The following HTR7 variants were observed in gnomAD, a reference collection of about 807,000 sequenced individuals.
The protein encoded by HTR7 is 5-hydroxytryptamine receptor 7, also known as 5-HT-7.
In HTR7, 16 loss-of-function variants were observed where a neutral mutation model predicts 34.0. The ratio of observed to expected loss-of-function variants is 0.47; its 90% CI spans 0.32 to 0.71. HTR7 has a LOEUF of 0.71. Ranked by LOEUF, HTR7 falls within the 30% of genes least tolerant of loss-of-function variation. The pLI, the probability that HTR7 is intolerant of heterozygous loss-of-function variation, is 0.04. For synonymous variants in HTR7, 265 were observed against 260.2 expected, an observed-to-expected ratio of 1.02 and a Z score of -0.18; for missense variants, 504 against 625.5, an observed-to-expected ratio of 0.81 and a Z score of 2.07.
At chr10:90,849,396 A>T (rs1055769039) in intron 1 of HTR7, among the ~76,000 whole-genome samples, 13 of 149,704 alleles carry the variant, frequency 8.7e-5, no homozygotes, top group Admixed American at 6.7e-4. Flanking sequence ...ACTTAGAATT[A>T]AAAAAAAAAC....
At position 90,767,545 on chromosome 10, in the gene HTR7, T is replaced by G. The variant is rs545570682; in HGVS notation, c.540-17951A>C. 2.0e-5 allele frequency among the ~76,000 whole-genome samples: 3 copies of G among 152,312 alleles called. No homozygotes were observed. The East Asian group carries it at 5.8e-4, about 29-fold the overall frequency. ...ATGGCCATATATTCTTTGCCATCCC[T>G]CTTTGATAGATAAATTTTTCTCCTT... On this transcript the variant is annotated intron_variant, in intron 1 of 3. Coordinates refer to ENST00000336152, the MANE Select transcript of HTR7 (RefSeq NM_019859.4).
At chr10:90,827,808 T>C (rs1194195099) in intron 1 of HTR7, among the ~76,000 whole-genome samples, 2 of 152,178 alleles carry the variant, frequency 1.3e-5, no homozygotes, top group African/African-American at 2.4e-5. Context: ...ACTTTCAGCA[T>C]TGGACAGATC....
chr10:90,850,639 TGAA>T (rs1214142604), intron 1 of HTR7, among the ~76,000 whole-genome samples: 3 of 151,892 alleles, frequency 2.0e-5, no homozygotes, highest in Non-Finnish European at 2.9e-5. Context: ...TATAACAAGA[TGAA>T]GAAATTAGAT....
intron 1 of HTR7, among the ~76,000 whole-genome samples, chr10:90,752,503 C>A (rs555359935): frequency 2.0e-5 from 3 of 151,732 alleles, no homozygotes; most frequent in East Asian, 3.9e-4. Context: ...CCATATAACC[C>A]CCAATGAATA....
chr10:90,761,469 G>T (rs66845062), intron 1 of HTR7, among the ~76,000 whole-genome samples: 1 of 152,032 alleles, frequency 6.6e-6, no homozygotes, highest in South Asian at 2.1e-4. Context: ...AAGTGTTTCA[G>T]TTAGTGAAGG....
At chr10:90,747,446 C>A (rs1345897957) in intron 2 of HTR7, among the ~76,000 whole-genome samples, 1 of 152,134 alleles carries the variant, frequency 6.6e-6, no homozygotes, top group Admixed American at 6.5e-5. Flanking sequence ...TGTGAACAAT[C>A]TCGTGTACAA....
At chr10:90,743,989 GT>G in intron 2 of HTR7, 2 of 546,786 alleles carry the variant, frequency 3.7e-6, no homozygotes, top group Non-Finnish European at 7.2e-6. Context: ...ATATTTGGGA[GT>G]AGGAACAGTC....
chr10:90,767,503 G>T (rs1341653222), intron 1 of HTR7, among the ~76,000 whole-genome samples: 2 of 152,154 alleles, frequency 1.3e-5, no homozygotes, highest in African/African-American at 2.4e-5. Context: ...CTCCCAATGA[G>T]CTGTGGTGGA....
At chr10:90,819,608 T>C (rs11594126) in intron 1 of HTR7, among the ~76,000 whole-genome samples, 32,408 of 152,150 alleles carry the variant, frequency 0.21, 4,455 homozygotes, top group African/African-American at 0.38. Flanking sequence ...TTTCTATTTC[T>C]GGGGCCAACT....
chr10:90,765,432 C>G (rs1845006062), intron 1 of HTR7, among the ~76,000 whole-genome samples: 1 of 151,480 alleles, frequency 6.6e-6, no homozygotes, highest in African/African-American at 2.4e-5. Flanking sequence ...CCCTCTCATT[C>G]TTAGTCTAGT....
At chr10:90,753,187 A>G (rs941883429) in intron 1 of HTR7, among the ~76,000 whole-genome samples, 2 of 152,124 alleles carry the variant, frequency 1.3e-5, no homozygotes, top group African/African-American at 4.8e-5. Context: ...GAAAAAACAA[A>G]AAGCCAACCA....
At chr10:90,824,224 C>T (rs1165843429) in intron 1 of HTR7, among the ~76,000 whole-genome samples, 1 of 152,244 alleles carries the variant, frequency 6.6e-6, no homozygotes, top group East Asian at 1.9e-4. Flanking sequence ...CTGAGGTCCC[C>T]ATTCCATTTC....
intron 1 of HTR7, among the ~76,000 whole-genome samples, chr10:90,752,823 C>T (rs998307147): frequency 2.6e-5 from 4 of 152,172 alleles, no homozygotes; most frequent in South Asian, 4.2e-4. Context: ...GGCTTCTTAT[C>T]GTTTGATTAA....
chr10:90,836,883 G>T (rs1174366122), intron 1 of HTR7, among the ~76,000 whole-genome samples: 1 of 152,192 alleles, frequency 6.6e-6, no homozygotes, highest in African/African-American at 2.4e-5. Context: ...ATATGGTTTA[G>T]AGATAAGACA....
At chr10:90,800,066 A>G (rs1330985561) in intron 1 of HTR7, among the ~76,000 whole-genome samples, 1 of 152,212 alleles carries the variant, frequency 6.6e-6, no homozygotes, top group East Asian at 1.9e-4. Context: ...AGATAACACC[A>G]TTAATAAGAA....
intron 1 of HTR7, among the ~76,000 whole-genome samples, chr10:90,807,435 G>A (rs1845721742): frequency 6.6e-6 from 1 of 152,118 alleles, no homozygotes; most frequent in Non-Finnish European, 1.5e-5. Flanking sequence ...CACAAAAGAA[G>A]TGAAAATGGC....
intron 1 of HTR7, among the ~76,000 whole-genome samples, chr10:90,852,790 C>G (rs768442913): frequency 6.6e-6 from 1 of 152,038 alleles, no homozygotes; most frequent in Non-Finnish European, 1.5e-5. Context: ...AAGTTCTAGC[C>G]AAGCAAAACC....
intron 1 of HTR7, among the ~76,000 whole-genome samples, chr10:90,821,646 C>T (rs551571473): frequency 3.3e-5 from 5 of 152,316 alleles, no homozygotes; most frequent in Admixed American, 6.5e-5. Flanking sequence ...CCTAGTGAGA[C>T]ACCAACCAGT....
chr10:90,827,319 G>A (rs1392093719), intron 1 of HTR7, among the ~76,000 whole-genome samples: 2 of 152,212 alleles, frequency 1.3e-5, no homozygotes, highest in African/African-American at 4.8e-5. Flanking sequence ...GCCAAGGGTG[G>A]AGGATTGCTA....
Sources: gnomAD v4.1 joint callset for allele counts (sites outside exome capture counted in the v4.1 genomes callset) on GRCh38, gnomAD v4.1.1 for gene constraint, MANE v1.5 for transcripts, NCBI Gene and HGNC (gene_info 2026-07-23, HGNC 2026-07-21) for gene names.